Variants in PCDH15 observed in about 807,000 individuals in gnomAD.
PCDH15 encodes the protein protocadherin-15.
A neutral mutation model predicts 178.5 loss-of-function variants in PCDH15; 129 were observed. That is an observed-to-expected ratio of 0.72 (90% CI 0.63 to 0.84). The LOEUF (loss-of-function observed/expected upper bound fraction) is 0.84. Ranked by LOEUF, PCDH15 falls within the 40% of genes least tolerant of loss-of-function variation. The pLI is 0.00. For missense variants in PCDH15, 2,230 were observed against 2,099.9 expected (o/e 1.06, Z -1.21); for synonymous variants, 800 against 732.0 (o/e 1.09, Z -1.50).
At chr10:54,160,835 A>C (rs949870343) in intron 13 of PCDH15, among the ~76,000 whole-genome samples, 1 of 152,196 alleles carries the variant, frequency 6.6e-6, no homozygotes, top group Non-Finnish European at 1.5e-5. Context: ...AAGGGAACAC[A>C]AAATCACAAT....
chr10:54,167,406 C>T (rs1444222429), intron 13 of PCDH15, among the ~76,000 whole-genome samples: 1 of 152,100 alleles, frequency 6.6e-6, no homozygotes, highest in African/African-American at 2.4e-5. Context: ...ACAAAGGAGA[C>T]ACATTTTATC....
At position 54,830,069 on chromosome 10, in the gene PCDH15, T is replaced by C. The variant is rs75057016; in HGVS notation, c.-29+67381A>G. The stretch of plus-strand genomic sequence containing the variant: ...ATTCTATTACCTCAACATTGAAACA[T>C]CAAAGTCTATTTTGCTTCTAAATTA... On this transcript the variant is annotated intron_variant, in intron 3 of 5. Coordinates refer to the PCDH15 transcript ENST00000458638. Among the ~76,000 whole-genome samples the C allele has an allele frequency of 9.8e-4, 149 of 152,184 alleles. 2 individuals carry two copies. The East Asian group carries it at 0.027, about 27-fold the overall frequency.
chr10:54,055,837 G>A (rs1033502896), intron 18 of PCDH15, among the ~76,000 whole-genome samples: 2 of 152,210 alleles, frequency 1.3e-5, no homozygotes, highest in Middle Eastern at 3.2e-3. Flanking sequence ...AGAATTTACT[G>A]AAATAGATCT....
chr10:55,494,850 T>G (rs1840497159), intron 2 of PCDH15, among the ~76,000 whole-genome samples: 1 of 151,844 alleles, frequency 6.6e-6, no homozygotes, highest in Admixed American at 6.6e-5. Flanking sequence ...GTTGGAGAAC[T>G]CATACTTCCT....
chr10:55,042,392 T>A (rs993035078), intron 2 of PCDH15, among the ~76,000 whole-genome samples: 3 of 152,096 alleles, frequency 2.0e-5, no homozygotes, highest in African/African-American at 7.2e-5. Context: ...GAAAAATTGA[T>A]AATGAAGTGG....
chr10:55,489,736 T>C (rs542358972), intron 2 of PCDH15, among the ~76,000 whole-genome samples: 38 of 151,854 alleles, frequency 2.5e-4, no homozygotes, highest in African/African-American at 8.7e-4. Context: ...CAAAATATTA[T>C]ACTGGCTTGG....
chr10:53,888,295 T>TATATATATATAC (rs2081251412), intron 26 of PCDH15, among the ~76,000 whole-genome samples: 6 of 44,598 alleles, frequency 1.3e-4, no homozygotes, highest in African/African-American at 2.4e-4. Context: ...TATATACATA[T>TATATATATATAC]ATATATATAT....
At chr10:54,576,427 C>T (rs1299428572) in intron 2 of PCDH15, among the ~76,000 whole-genome samples, 1 of 152,190 alleles carries the variant, frequency 6.6e-6, no homozygotes, top group Non-Finnish European at 1.5e-5. Context: ...GAATACTAAT[C>T]ATTTAAAGAC....
chr10:55,536,720 T>A (rs1362262383), intron 2 of PCDH15, among the ~76,000 whole-genome samples: 1 of 152,164 alleles, frequency 6.6e-6, no homozygotes, highest in Admixed American at 6.6e-5. Flanking sequence ...CTTGAATGTC[T>A]AACTTTGTAG....
chr10:55,577,351 G>C (rs545320573), intron 2 of PCDH15, among the ~76,000 whole-genome samples: 5 of 152,192 alleles, frequency 3.3e-5, no homozygotes, highest in African/African-American at 9.6e-5. Flanking sequence ...TAAAGGTTTA[G>C]AAAAATTTTT....
intron 10 of PCDH15, among the ~76,000 whole-genome samples, chr10:54,207,598 CATG>C (rs1168357465): frequency 6.6e-6 from 1 of 151,932 alleles, no homozygotes; most frequent in Non-Finnish European, 1.5e-5. Flanking sequence ...TTGCTGTTCT[CATG>C]ATGTGTTGTT....
chr10:55,242,319 C>A (rs1841565112), intron 1 of PCDH15, among the ~76,000 whole-genome samples: 1 of 151,958 alleles, frequency 6.6e-6, no homozygotes, highest in South Asian at 2.1e-4. Flanking sequence ...ATGGATCAAT[C>A]CCAACTATAA....
At chr10:54,668,632 T>C (rs2094608918) in intron 1 of PCDH15, among the ~76,000 whole-genome samples, 2 of 152,180 alleles carry the variant, frequency 1.3e-5, no homozygotes, top group Non-Finnish European at 1.5e-5. Flanking sequence ...GCTCCCTGAG[T>C]CTTGGGTGTT....
intron 2 of PCDH15, among the ~76,000 whole-genome samples, chr10:55,515,911 T>C (rs2132157494): frequency 6.6e-6 from 1 of 152,278 alleles, no homozygotes; most frequent in East Asian, 1.9e-4. Flanking sequence ...TTATCCTTTG[T>C]TAGTTTGTGT....
intron 25 of PCDH15, among the ~76,000 whole-genome samples, chr10:53,938,012 G>T (rs2085726847): frequency 6.6e-6 from 1 of 152,048 alleles, no homozygotes; most frequent in South Asian, 2.1e-4. Context: ...TTTTAAAAGG[G>T]TTGCTCTGAT....
At chr10:54,257,883 C>T (rs77878404) in intron 8 of PCDH15, among the ~76,000 whole-genome samples, 1 of 152,188 alleles carries the variant, frequency 6.6e-6, no homozygotes, top group African/African-American at 2.4e-5. Context: ...TTTATATGTG[C>T]AGGCAATCAA....
At chr10:54,012,021 A>G (rs532640791) in intron 20 of PCDH15, among the ~76,000 whole-genome samples, 2 of 152,308 alleles carry the variant, frequency 1.3e-5, no homozygotes, top group South Asian at 4.1e-4. Flanking sequence ...GTCAAAATCC[A>G]AACCAAGGAA....
rs543962682 is a variant in PCDH15 at position 54,274,095 on chromosome 10, T to C, written c.877-37164A>G. ...GTAGGAGCTAAATTATGAGAACACA[T>C]GGACACATAGAGTGGGGGACAGCAC... On this transcript the variant is annotated intron_variant, in intron 8 of 37. Transcript: ENST00000644397. 1.8e-3 allele frequency among the ~76,000 whole-genome samples: 274 copies of C among 151,936 alleles called. 1 individual carries two copies. The highest frequency in any genetic ancestry group is 6.0e-3 in the African/African-American group (247 of 41,462).
Position 53,903,252 on chromosome 10 carries a change from G to A in PCDH15, c.3492C>T (p.Leu1164=), listed in dbSNP as rs2082442534. The A allele has an allele frequency of 6.2e-7, 1 of 1,612,680 alleles. No individual in the cohort carries two copies. The highest frequency in any genetic ancestry group is 1.3e-5 in the African/African-American group (1 of 74,868). The change falls in exon 26 of 38, where the codon CTC becomes CTT. Residue 1164 remains leucine, a synonymous_variant. Transcript: ENST00000644397. ...SEDARMFTSV[L]RVKATDKDTG... ...ACATAATTCCGCATACCTTCACTCT[G>A]AGTACAGAAGTAAACATTCTTGCAT...
Sources: allele counts gnomAD v4.1 joint callset (sites outside exome capture counted in the v4.1 genomes callset), GRCh38; gene constraint gnomAD v4.1.1; transcripts MANE v1.5; gene names NCBI Gene and HGNC (gene_info 2026-07-23, HGNC 2026-07-21).